DNAH3: variants seen among roughly 807,000 people sequenced by gnomAD.
DNAH3 encodes the protein dynein axonemal heavy chain 3, also known as axonemal beta dynein heavy chain 3.
In DNAH3, 332 loss-of-function variants were observed where a neutral mutation model predicts 432.5. The observed-to-expected ratio is 0.77, with a 90% CI of 0.70 to 0.84. DNAH3 has a LOEUF of 0.84. Among genes scored for constraint, DNAH3 ranks in the 40% least tolerant of loss-of-function variants. The pLI is 0.00. For missense variants in DNAH3, 4,861 were observed against 5,114.0 expected, an observed-to-expected ratio of 0.95 and a Z score of 1.51; for synonymous variants, 1,956 against 1,900.2, an observed-to-expected ratio of 1.03 and a Z score of -0.76.
At chr16:21,086,507 T>C (rs931843350) in intron 19 of DNAH3, among the ~76,000 whole-genome samples, 5 of 152,190 alleles carry the variant, frequency 3.3e-5, no homozygotes, top group Admixed American at 2.6e-4. Context: ...GTCCTCTCAC[T>C]GTATTGAACA....
intron 19 of DNAH3, among the ~76,000 whole-genome samples, chr16:21,082,826 T>C (rs2091238395): frequency 9.5e-5 from 1 of 10,516 alleles, no homozygotes. Context: ...AGACTCCATC[T>C]CAAAAAAAAA....
intron 48 of DNAH3, among the ~76,000 whole-genome samples, chr16:20,983,501 T>C (rs1466530680): frequency 6.6e-6 from 1 of 152,170 alleles, no homozygotes. Context: ...CCAGTGTGGC[T>C]GGAGCCCTTT....
chr16:20,966,573 C>T (rs1284177427), intron 52 of DNAH3, among the ~76,000 whole-genome samples: 1 of 152,164 alleles, frequency 6.6e-6, no homozygotes, highest in Non-Finnish European at 1.5e-5. Context: ...TACCATCTAC[C>T]TTTCCCTCAA....
chr16:20,941,332 G>C, intron 59 of DNAH3, 69 bp downstream of exon 59: 2 of 1,589,934 alleles, frequency 1.3e-6, no homozygotes, highest in Non-Finnish European at 1.7e-6. Context: ...CCCCTTCTCA[G>C]CTACTGCCTG....
chr16:21,081,307 G>A (rs1253866211), intron 20 of DNAH3, among the ~76,000 whole-genome samples: 4 of 151,634 alleles, frequency 2.6e-5, no homozygotes, highest in Non-Finnish European at 4.4e-5. Context: ...AGAGGAAACC[G>A]AGGCACAGAA....
At chr16:20,987,579 T>G (rs2086259802) in intron 46 of DNAH3, 114 bp downstream of exon 46, 3 of 1,531,330 alleles carry the variant, frequency 2.0e-6, no homozygotes, top group African/African-American at 1.4e-5. Context: ...CTTAGCACAA[T>G]GCCTAGCATA....
At chr16:21,096,993 G>A (rs759164053) in intron 18 of DNAH3, among the ~76,000 whole-genome samples, 1 of 151,992 alleles carries the variant, frequency 6.6e-6, no homozygotes, top group Admixed American at 6.6e-5. Context: ...ATACCTTTCT[G>A]GACCCCAGAT....
exon 23 of DNAH3, chr16:21,069,450 C>G (rs369493519): frequency 1.2e-6 from 2 of 1,613,974 alleles, no homozygotes; most frequent in Non-Finnish European, 1.7e-6. Context: ...TAACTATCAA[C>G]AATGCCAAAT....
intron 21 of DNAH3, among the ~76,000 whole-genome samples, chr16:21,073,790 C>A (rs997726195): frequency 6.6e-6 from 1 of 152,138 alleles, no homozygotes; most frequent in African/African-American, 2.4e-5. Flanking sequence ...TAGTGGGTCA[C>A]AAGACTGTCG....
At chr16:21,090,122 T>C (rs1316633066) in intron 18 of DNAH3, among the ~76,000 whole-genome samples, 3 of 151,902 alleles carry the variant, frequency 2.0e-5, no homozygotes, top group South Asian at 2.1e-4. Context: ...CAAAAACTTA[T>C]TCAAGATAAA....
At chr16:21,131,767 A>T (rs6497530) in intron 7 of DNAH3, among the ~76,000 whole-genome samples, 42,357 of 149,272 alleles carry the variant, frequency 0.28, 6,038 homozygotes, top group African/African-American at 0.34. Context: ...GGCAGGAGAA[A>T]TGTTTGAACC....
rs763020752 is a variant in DNAH3, at chr16:21,075,449, T to C, written c.3082A>G (p.Thr1028Ala). The change falls in exon 21 of 62, where the codon ACT becomes GCT. Residue 1028 changes from threonine (T) to alanine (A), a missense_variant and splice_region_variant. By Grantham distance (58) the Thr-to-Ala change is moderately conservative. Coordinates refer to ENST00000261383, the Ensembl canonical transcript of DNAH3. ...GCTGCGGTTGCAGTGAGACTCACAG[T>C]GTCCCTGTATTTCACGAAGCTGAAC... 4.8e-5 allele frequency: 77 copies of C among 1,609,678 alleles called. No individual in the cohort carries two copies. The highest frequency in any genetic ancestry group is 1.0e-4 in the Admixed American group (6 of 59,978).
At chr16:21,094,476 GC>G (rs2091623552) in intron 18 of DNAH3, among the ~76,000 whole-genome samples, 1 of 152,140 alleles carries the variant, frequency 6.6e-6, no homozygotes, top group East Asian at 1.9e-4. Context: ...TTTGAGATCA[GC>G]CTGGCCAACA....
chr16:20,959,397 C>T, exon 54 of DNAH3: 2 of 1,611,900 alleles, frequency 1.2e-6, no homozygotes, highest in Non-Finnish European at 1.7e-6. Flanking sequence ...CAGCAAACTT[C>T]AGCAGGCCTG....
chr16:21,017,131 C>A (rs994104399), intron 41 of DNAH3, among the ~76,000 whole-genome samples: 3 of 152,104 alleles, frequency 2.0e-5, no homozygotes, highest in African/African-American at 7.2e-5. Context: ...CTGATTTGAA[C>A]AATTACAAAT....
chr16:21,049,986 C>A (rs771682404), exon 30 of DNAH3: 3 of 1,614,038 alleles, frequency 1.9e-6, no homozygotes, highest in African/African-American at 1.3e-5. Flanking sequence ...TGGAGCACCC[C>A]CAAGGTTCAG....
At position 20,982,884 on chromosome 16, in the gene DNAH3, TG is replaced by T. The variant is rs759519251; in HGVS notation, c.7695del (p.Met2566Ter). 6.2e-7 allele frequency: 1 copy of T among 1,613,922 alleles called. No homozygotes were observed. Among genetic ancestry groups the T allele is most frequent in the South Asian group, 1.1e-5 (1 of 91,056 alleles). On this transcript the variant is annotated frameshift_variant, in exon 49 of 62. Coordinates refer to ENST00000261383, the Ensembl canonical transcript of DNAH3. LOFTEE classifies it high-confidence loss of function. ...CTGAAGGCATCCCCTATTGGACTCA[TG>T]GCTAATGAAAAGGAGATTTTGTTAA...
At chr16:21,023,890 C>T (rs1304747953) in intron 39 of DNAH3, among the ~76,000 whole-genome samples, 1 of 151,788 alleles carries the variant, frequency 6.6e-6, no homozygotes, top group Non-Finnish European at 1.5e-5. Context: ...TAGGTGATGA[C>T]AGACATTCAG....
Position 20,944,496 on chromosome 16 carries a change from C to T in DNAH3, c.11511G>A (p.Gln3837=), listed in dbSNP as rs1285650198. The change falls in exon 58 of 62, where the codon CAG becomes CAA. Residue 3837 remains glutamine, a splice_region_variant and synonymous_variant. Transcript: ENST00000261383. ...AGCCCCCTTTCCCGAGCCCAGTTAC[C>T]TGAGGGGACTTGCCACTTCCTCCTG... 6 of 1,613,912 alleles carry T rather than the reference C, an allele frequency of 3.7e-6. No homozygotes were observed. The African/African-American group carries it at 6.7e-5, about 18-fold the overall frequency.
Sources: gnomAD v4.1 joint callset for allele counts (sites outside exome capture counted in the v4.1 genomes callset) on GRCh38, gnomAD v4.1.1 for gene constraint, MANE v1.5 for transcripts, NCBI Gene and HGNC (gene_info 2026-07-23, HGNC 2026-07-21) for gene names.